Variants in ADAM19 observed in about 807,000 individuals in gnomAD.
ADAM19 encodes disintegrin and metalloproteinase domain-containing protein 19.
Under a neutral mutation model 114.7 loss-of-function variants are expected in ADAM19, and 65 were observed. The ratio of observed to expected loss-of-function variants is 0.57; its 90% CI spans 0.46 to 0.70. The LOEUF is 0.70. ADAM19 is among the 30% of genes least tolerant of loss of function. The pLI, the probability that ADAM19 is intolerant of heterozygous loss-of-function variation, is 0.00. For missense variants in ADAM19, 1,063 were observed against 1,204.7 expected (o/e 0.88, Z 1.74); for synonymous variants, 466 against 460.5 (o/e 1.01, Z -0.15).
intron 15 of ADAM19, among the ~76,000 whole-genome samples, chr5:157,494,424 T>A (rs1755283149): frequency 6.6e-6 from 1 of 152,174 alleles, no homozygotes; most frequent in Non-Finnish European, 1.5e-5. Flanking sequence ...AAGGGCTGAT[T>A]CCCTGCCCTA....
At chr5:157,485,069 A>T (rs1754891040) in intron 21 of ADAM19, among the ~76,000 whole-genome samples, 1 of 152,150 alleles carries the variant, frequency 6.6e-6, no homozygotes. Context: ...ATGGCATCTT[A>T]CTCAATCAGA....
In ADAM19 at chr5:157,490,905, A is replaced by AC. The variant is rs200754600; in HGVS notation, c.2096-452_2096-451insG. ...AGACTCCGTCTCAAAAAAAAAAAAA[A>AC]AACAAAGAAACGAAAAGACTCAGAC... On this transcript the variant is annotated intron_variant, in intron 18 of 22. Transcript: ENST00000257527. 3.8e-3 allele frequency among the ~76,000 whole-genome samples: 584 copies of AC among 151,752 alleles called. 2 individuals are homozygous for AC. Among genetic ancestry groups the AC allele is most frequent in the African/African-American group, 0.013 (557 of 41,404 alleles).
At chr5:157,511,739 GT>G (rs1367193141) in intron 8 of ADAM19, among the ~76,000 whole-genome samples, 1 of 152,138 alleles carries the variant, frequency 6.6e-6, no homozygotes, top group African/African-American at 2.4e-5. Context: ...TTCAACAATA[GT>G]TCAGTTCAAG....
In ADAM19 at chr5:157,512,597, A is replaced by G. The variant is rs540626526; in HGVS notation, c.738+837T>C. On this transcript the variant is annotated intron_variant, in intron 8 of 22. Coordinates refer to ENST00000257527, the MANE Select transcript of ADAM19 (RefSeq NM_033274.5). ...TATTCTGCATTTTGTACTATAACAA[A>G]TATCTTCTTTCATATACACAATGTA... Among the ~76,000 whole-genome samples the G allele has an allele frequency of 1.1e-4, 17 of 152,338 alleles. No individual in the cohort carries two copies. The East Asian group carries it at 3.1e-3, about 28-fold the overall frequency.
chr5:157,547,905 C>T (rs939658818), intron 3 of ADAM19, among the ~76,000 whole-genome samples: 1 of 152,176 alleles, frequency 6.6e-6, no homozygotes, highest in Non-Finnish European at 1.5e-5. Flanking sequence ...CTTCCCATTG[C>T]CCTAGAGATA....
chr5:157,543,941 A>C (rs1362068542), intron 3 of ADAM19, among the ~76,000 whole-genome samples: 2 of 152,232 alleles, frequency 1.3e-5, no homozygotes, highest in Non-Finnish European at 2.9e-5. Flanking sequence ...AAAGAAAAGC[A>C]GGGAAGAGAC....
rs11466802 is a variant in ADAM19 at position 157,488,402 on chromosome 5, C to T, written c.2413G>A (p.Ala805Thr). ...PDYLRGGSPP[A>T]PLPAHLSRAA... ...CTGCTCAGGTGAGCTGGCAGTGGTG[C>T]AGGTGGGGACCCACCACGCAGATAA... Residue 805 changes from alanine (A) to threonine (T), a missense_variant, in exon 21 of 23, where the codon GCA (alanine) becomes ACA (threonine). Physicochemically the swap from Ala to Thr is moderately conservative, Grantham distance 58 (BLOSUM62 0). Around this residue, in one of 3 missense-constraint regions of ADAM19, gnomAD observed 424 missense variants for 445.5 expected, o/e 0.95. Coordinates refer to ENST00000257527, the MANE Select transcript of ADAM19 (RefSeq NM_033274.5). 3.4e-3 allele frequency: 5,539 copies of T among 1,613,952 alleles called. 151 individuals carry two copies. In the African/African-American group the frequency reaches 0.066, roughly 19 times the overall value.
At position 157,478,846 on chromosome 5, in the gene ADAM19, A is replaced by C. The variant is rs1389160477; in HGVS notation, c.*2103T>G. 6.1e-6 allele frequency: 6 copies of C among 985,788 alleles called. No individual in the cohort carries two copies. Among genetic ancestry groups the C allele is most frequent in the Non-Finnish European group, 1.2e-6 (1 of 829,960 alleles). 61.1% of individuals were successfully genotyped at this position (985,788 alleles called of 1,614,324 possible). On this transcript the variant is annotated 3_prime_UTR_variant, in exon 23 of 23. Coordinates refer to ENST00000257527, the MANE Select transcript of ADAM19 (RefSeq NM_033274.5). ...TCCAGGGAGGGTGGACTGCAGGTTC[A>C]GATGGCTCATGCAGTCACTATGGCT...
intron 1 of ADAM19, among the ~76,000 whole-genome samples, chr5:157,573,574 C>T (rs771464923): frequency 4.0e-5 from 6 of 151,882 alleles, no homozygotes; most frequent in South Asian, 2.1e-4. Context: ...GGTGAAACCC[C>T]GTCTCTACTA....
rs966444916 is a variant in ADAM19 at position 157,529,096 on chromosome 5, T to C, written c.407+1711A>G. 2.1e-4 allele frequency among the ~76,000 whole-genome samples: 32 copies of C among 152,350 alleles called. No homozygotes were observed. The South Asian group carries it at 2.3e-3, about 11-fold the overall frequency. ...CCTGAAATTGATCATGGTGGGATTA[T>C]CTTTGTCAGCATATTGGCAGATGCT... On this transcript the variant is annotated intron_variant, in intron 5 of 22. Transcript: ENST00000257527.
intron 1 of ADAM19, among the ~76,000 whole-genome samples, chr5:157,574,466 G>C (rs1433024737): frequency 6.6e-6 from 1 of 152,162 alleles, no homozygotes; most frequent in Non-Finnish European, 1.5e-5. Context: ...AGGACCGCCC[G>C]ACCTCGGCCC....
chr5:157,545,456 C>T (rs1245176146), intron 3 of ADAM19, among the ~76,000 whole-genome samples: 3 of 152,130 alleles, frequency 2.0e-5, no homozygotes, highest in Non-Finnish European at 4.4e-5. Context: ...ATGAAGGGAC[C>T]GTCTATTCAT....
intron 7 of ADAM19, among the ~76,000 whole-genome samples, chr5:157,514,515 T>C (rs763862047): frequency 7.9e-5 from 12 of 152,058 alleles, no homozygotes; most frequent in Admixed American, 2.0e-4. Flanking sequence ...TTAGTAATGA[T>C]GGGGTTTCAC....
At chr5:157,544,289 A>G (rs1756993551) in intron 3 of ADAM19, among the ~76,000 whole-genome samples, 1 of 152,242 alleles carries the variant, frequency 6.6e-6, no homozygotes, top group South Asian at 2.1e-4. Context: ...CAAAAGGCCA[A>G]TGCTACTCAG....
At position 157,477,814 on chromosome 5, in the gene ADAM19, G is replaced by A; in HGVS notation, c.*3135C>T. 9.8e-7 allele frequency: 1 copy of A among 1,020,586 alleles called. No homozygotes were observed. Among genetic ancestry groups the A allele is most frequent in the Non-Finnish European group, 1.3e-6 (1 of 744,468 alleles). The allele number at this position is 1,020,586 out of a possible 1,614,324, so 63.2% of individuals were successfully genotyped here. A position where few individuals can be genotyped will look rare whatever the true frequency, so the allele number is the denominator to read the frequency against. On this transcript the variant is annotated 3_prime_UTR_variant, in exon 23 of 23. Transcript: ENST00000257527. Reference sequence around the variant, plus strand: ...TTGGAAAGGCGTATTGCAGGAGGTGGGGAGGGGCTATTGCTTCAGGGGGAA... The same window carrying A: ...TTGGAAAGGCGTATTGCAGGAGGTGAGGAGGGGCTATTGCTTCAGGGGGAA...
intron 2 of ADAM19, among the ~76,000 whole-genome samples, chr5:157,567,520 G>A (rs953788060): frequency 6.6e-6 from 1 of 152,160 alleles, no homozygotes; most frequent in African/African-American, 2.4e-5. Flanking sequence ...CACACAGACC[G>A]GGCACGGTGG....
chr5:157,520,121 G>C (rs895019176), intron 5 of ADAM19, 90 bp from the exon 6 acceptor site: 19 of 1,287,982 alleles, frequency 1.5e-5, no homozygotes, highest in Middle Eastern at 2.2e-4. Flanking sequence ...TATGCAAAAT[G>C]ACATAGTGGG....
intron 2 of ADAM19, 25 bp from the exon 3 acceptor site, chr5:157,564,468 C>G (rs1757597274): frequency 1.2e-6 from 2 of 1,612,820 alleles, no homozygotes; most frequent in Non-Finnish European, 1.7e-6. Flanking sequence ...AAAACAATGT[C>G]AGTTCCTAAA....
At chr5:157,543,132 A>G (rs1023713597) in intron 3 of ADAM19, among the ~76,000 whole-genome samples, 1 of 152,162 alleles carries the variant, frequency 6.6e-6, no homozygotes, top group African/African-American at 2.4e-5. Context: ...TTAAATACAC[A>G]CACACCGCCA....
Sources: allele counts gnomAD v4.1 joint callset (sites outside exome capture counted in the v4.1 genomes callset), GRCh38; gene constraint gnomAD v4.1.1; regional missense constraint gnomAD v4.1.1; transcripts MANE v1.5; gene names NCBI Gene and HGNC (gene_info 2026-07-23, HGNC 2026-07-21).